NPAS3: variants seen among roughly 807,000 people sequenced by gnomAD.
NPAS3 encodes the protein neuronal PAS domain-containing protein 3.
Under a neutral mutation model 73.1 loss-of-function variants are expected in NPAS3, and 14 were observed. The ratio of observed to expected loss-of-function variants is 0.19; its 90% CI spans 0.13 to 0.30. The LOEUF is 0.30. Among genes scored for constraint, NPAS3 ranks in the 10% least tolerant of loss-of-function variants. The pLI is 1.00. For missense variants in NPAS3, 1,096 were observed against 1,250.0 expected, an observed-to-expected ratio of 0.88 and a Z score of 1.86; for synonymous variants, 620 against 541.5, an observed-to-expected ratio of 1.14 and a Z score of -2.01.
At chr14:33,231,890 G>A (rs950832194) in intron 3 of NPAS3, among the ~76,000 whole-genome samples, 7 of 152,128 alleles carry the variant, frequency 4.6e-5, no homozygotes, top group South Asian at 2.1e-4. Flanking sequence ...AATGGTTCAA[G>A]AAGCTCAAAT....
chr14:33,149,951 C>G (rs1461854845), intron 2 of NPAS3, among the ~76,000 whole-genome samples: 1 of 152,150 alleles, frequency 6.6e-6, no homozygotes, highest in African/African-American at 2.4e-5. Context: ...CACCCCCTGA[C>G]AGGCCCCAGT....
intron 2 of NPAS3, among the ~76,000 whole-genome samples, chr14:33,088,783 G>A (rs2042120970): frequency 6.6e-6 from 1 of 152,152 alleles, no homozygotes; most frequent in African/African-American, 2.4e-5. Context: ...CCCAGTAGGG[G>A]CACACTGACA....
chr14:33,565,193 C>G (rs535169391), intron 5 of NPAS3, among the ~76,000 whole-genome samples: 1 of 152,206 alleles, frequency 6.6e-6, no homozygotes, highest in East Asian at 1.9e-4. Context: ...TTTTTTTAAG[C>G]CATGCAGATA....
intron 2 of NPAS3, among the ~76,000 whole-genome samples, chr14:33,169,534 C>T (rs1305917700): frequency 6.6e-6 from 1 of 152,194 alleles, no homozygotes. Flanking sequence ...TGCCACTGTA[C>T]TCCAGCCTGG....
chr14:33,187,889 A>G (rs2046037404), intron 2 of NPAS3, among the ~76,000 whole-genome samples: 1 of 152,178 alleles, frequency 6.6e-6, no homozygotes, highest in Non-Finnish European at 1.5e-5. Flanking sequence ...TATTTAGTAG[A>G]ATCTAAGATA....
chr14:33,301,326 T>A (rs899415543), intron 3 of NPAS3, among the ~76,000 whole-genome samples: 26,323 of 79,834 alleles, frequency 0.33, 6,116 homozygotes, highest in African/African-American at 0.53. Context: ...ATATATATTT[T>A]TTTTTTTTAA....
chr14:33,307,388 G>A (rs1045740026), intron 3 of NPAS3, among the ~76,000 whole-genome samples: 11 of 151,902 alleles, frequency 7.2e-5, no homozygotes, highest in East Asian at 3.9e-4. Context: ...ATTGTATATC[G>A]TTCTTATTAA....
downstream of NPAS3, chr14:33,802,482 C>G (rs1270751126): frequency 6.6e-6 from 1 of 151,714 alleles, no homozygotes; most frequent in Non-Finnish European, 1.5e-5. Context: ...AAATGACTGT[C>G]AAGTATAAAT....
At chr14:33,404,595 G>A (rs147453509) in intron 4 of NPAS3, among the ~76,000 whole-genome samples, 25 of 151,824 alleles carry the variant, frequency 1.6e-4, no homozygotes, top group African/African-American at 5.6e-4. Context: ...GTATTTTCAC[G>A]CTCATGGAGC....
chr14:33,509,327 T>C (rs1421084048), intron 4 of NPAS3, among the ~76,000 whole-genome samples: 1 of 151,902 alleles, frequency 6.6e-6, no homozygotes, highest in African/African-American at 2.4e-5. Context: ...TATAAAGGAG[T>C]TGAGCAAATA....
chr14:33,710,463 TGG>T (rs1362655587), intron 6 of NPAS3, among the ~76,000 whole-genome samples: 1 of 152,204 alleles, frequency 6.6e-6, no homozygotes, highest in Non-Finnish European at 1.5e-5. Context: ...CAGCAAAGTG[TGG>T]GTGTTGAAAT....
At chr14:33,075,366 A>G (rs147673504) in intron 2 of NPAS3, among the ~76,000 whole-genome samples, 14 of 152,328 alleles carry the variant, frequency 9.2e-5, no homozygotes, top group African/African-American at 3.4e-4. Flanking sequence ...ATCATTTAAA[A>G]ACGTTTCAGT....
chr14:32,970,447 A>G (rs1297297097), intron 1 of NPAS3, among the ~76,000 whole-genome samples: 2 of 152,146 alleles, frequency 1.3e-5, no homozygotes, highest in African/African-American at 4.8e-5. Context: ...TTTTATTGCT[A>G]ATTAAAAAAT....
At chr14:33,297,278 A>T (rs2042341511) in intron 3 of NPAS3, among the ~76,000 whole-genome samples, 1 of 152,158 alleles carries the variant, frequency 6.6e-6, no homozygotes, top group East Asian at 1.9e-4. Context: ...GGTTGTTGTG[A>T]GTATTGCATA....
chr14:33,128,728 A>T (rs1450085807), intron 2 of NPAS3, among the ~76,000 whole-genome samples: 1 of 152,124 alleles, frequency 6.6e-6, no homozygotes, highest in Non-Finnish European at 1.5e-5. Context: ...TGAACCAATG[A>T]ATGAATGAAT....
intron 2 of NPAS3, among the ~76,000 whole-genome samples, chr14:33,127,941 T>C (rs1021477225): frequency 2.0e-5 from 3 of 152,168 alleles, no homozygotes; most frequent in African/African-American, 7.2e-5. Flanking sequence ...GATTTATAAA[T>C]TTCTTCCTGG....
intron 2 of NPAS3, among the ~76,000 whole-genome samples, chr14:33,197,534 AGAG>A (rs2046415333): frequency 6.6e-6 from 1 of 152,130 alleles, no homozygotes; most frequent in Non-Finnish European, 1.5e-5. Context: ...GAAAAAAAAA[AGAG>A]AAGGCCACAG....
intron 7 of NPAS3, 135 bp from the exon 8 acceptor site, chr14:33,774,202 G>A (rs990970076): frequency 6.3e-6 from 4 of 636,432 alleles, no homozygotes; most frequent in Middle Eastern, 3.9e-4. Context: ...AGGGCATGCC[G>A]ACAGCCATTA....
rs1289181453 is a variant in NPAS3 at position 33,214,406 on chromosome 14, T to A, written c.141-776T>A. 2.0e-5 allele frequency: 3 copies of A among 152,206 alleles called. No individual in the cohort carries two copies. The East Asian group carries it at 5.8e-4, about 29-fold the overall frequency. 9.4% of individuals were successfully genotyped at this position (152,206 alleles called of 1,614,324 possible). On this transcript the variant is annotated intron_variant, in intron 2 of 11. Transcript: ENST00000356141. ...GTAATATGTCTATAATGTTTATAAATTTTAATAACCCATACAGCGCTTTAT... is the reference window on the plus strand; with the variant it reads ...GTAATATGTCTATAATGTTTATAAAATTTAATAACCCATACAGCGCTTTAT...
Sources: allele counts gnomAD v4.1 joint callset (sites outside exome capture counted in the v4.1 genomes callset), GRCh38; gene constraint gnomAD v4.1.1; transcripts MANE v1.5; gene names NCBI Gene and HGNC (gene_info 2026-07-23, HGNC 2026-07-21).